The following TMEM132D variants were observed in gnomAD, a reference collection of about 807,000 sequenced individuals.
TMEM132D encodes the protein transmembrane protein 132D.
TMEM132D carries 21 observed loss-of-function variants against 62.3 expected under a neutral mutation model. The ratio of observed to expected loss-of-function variants is 0.34; its 90% CI spans 0.24 to 0.49. TMEM132D has a LOEUF of 0.49. Ranked by LOEUF, TMEM132D falls within the 20% of genes least tolerant of loss-of-function variation. The probability of loss-of-function intolerance (pLI) is 0.99; values close to 1 mark genes in which losing one functional copy is unlikely to be tolerated. For synonymous variants in TMEM132D, 621 were observed against 575.6 expected, an observed-to-expected ratio of 1.08 and a Z score of -1.13; for missense variants, 1,346 against 1,402.8, an observed-to-expected ratio of 0.96 and a Z score of 0.65.
At chr12:129,562,438 C>T (rs949917029) in intron 2 of TMEM132D, among the ~76,000 whole-genome samples, 1 of 152,114 alleles carries the variant, frequency 6.6e-6, no homozygotes, top group African/African-American at 2.4e-5. Flanking sequence ...GGTAGATAAC[C>T]TGTCAACAGA....
chr12:129,178,018 T>A (rs1053635646), intron 5 of TMEM132D, among the ~76,000 whole-genome samples: 2 of 152,092 alleles, frequency 1.3e-5, no homozygotes, highest in Non-Finnish European at 2.9e-5. Flanking sequence ...CGAGGACATG[T>A]GGTGTTTGGT....
At chr12:129,586,753 A>G (rs1343190582) in intron 2 of TMEM132D, among the ~76,000 whole-genome samples, 3 of 152,222 alleles carry the variant, frequency 2.0e-5, no homozygotes, top group African/African-American at 7.2e-5. Context: ...ATACACACCA[A>G]TGATCTTCAA....
In TMEM132D at chr12:129,507,722, G is replaced by C. The variant is rs551401256; in HGVS notation, c.1115+23337C>G. Among the ~76,000 whole-genome samples, 7 of 152,192 alleles carry C rather than the reference G, an allele frequency of 4.6e-5. No homozygotes were observed. The South Asian group carries it at 1.5e-3, about 32-fold the overall frequency. Reference sequence around the variant, plus strand: ...GGACTCAAGGGGAAAGGGTAGGAAGGGGGTGAAGGATAAAAGACTACAAAT... The same window carrying C: ...GGACTCAAGGGGAAAGGGTAGGAAGCGGGTGAAGGATAAAAGACTACAAAT... On this transcript the variant is annotated intron_variant, in intron 3 of 8. Coordinates refer to ENST00000422113, the MANE Select transcript of TMEM132D (RefSeq NM_133448.3).
chr12:129,792,859 A>G (rs1037858196), intron 1 of TMEM132D, among the ~76,000 whole-genome samples: 2 of 152,104 alleles, frequency 1.3e-5, no homozygotes, highest in South Asian at 2.1e-4. Context: ...TTGAATTTCC[A>G]TTTAGGTGGT....
intron 3 of TMEM132D, among the ~76,000 whole-genome samples, chr12:129,339,166 G>A (rs1869385799): frequency 6.6e-6 from 1 of 152,130 alleles, no homozygotes; most frequent in Non-Finnish European, 1.5e-5. Context: ...AGCTAGTTGG[G>A]AGGCTGAGGC....
At chr12:129,699,779 G>A (rs1333485308) in intron 2 of TMEM132D, 31 bp downstream of exon 2, 2 of 1,605,238 alleles carry the variant, frequency 1.2e-6, no homozygotes, top group Non-Finnish European at 8.5e-7. Context: ...ATCGACGGGC[G>A]GGTACAGACA....
At chr12:129,315,213 T>C (rs1227622146) in intron 4 of TMEM132D, among the ~76,000 whole-genome samples, 1 of 152,176 alleles carries the variant, frequency 6.6e-6, no homozygotes, top group African/African-American at 2.4e-5. Flanking sequence ...GGCATCCTTG[T>C]CTTGTTCCAC....
chr12:129,676,530 A>G (rs1349095265), intron 2 of TMEM132D, among the ~76,000 whole-genome samples: 1 of 152,180 alleles, frequency 6.6e-6, no homozygotes, highest in East Asian at 1.9e-4. Context: ...GCTTTTGCTT[A>G]CAGAGGAGGG....
At chr12:129,394,418 C>T (rs1422931619) in intron 3 of TMEM132D, among the ~76,000 whole-genome samples, 1 of 152,198 alleles carries the variant, frequency 6.6e-6, no homozygotes, top group Non-Finnish European at 1.5e-5. Context: ...TTATTGAGAT[C>T]AGTTGGCTCG....
intron 6 of TMEM132D, among the ~76,000 whole-genome samples, chr12:129,083,167 A>C (rs11060126): frequency 0.12 from 17,867 of 152,266 alleles, 1,272 homozygotes; most frequent in East Asian, 0.24. Context: ...AACCCAGCAC[A>C]CAAAGCAGGT....
intron 4 of TMEM132D, among the ~76,000 whole-genome samples, chr12:129,275,510 A>C (rs374372216): frequency 2.0e-5 from 3 of 152,172 alleles, no homozygotes; most frequent in East Asian, 3.8e-4. Flanking sequence ...CAAGAAACTA[A>C]AAAACACAAA....
chr12:129,288,343 A>G (rs1881361158), intron 4 of TMEM132D, among the ~76,000 whole-genome samples: 1 of 152,242 alleles, frequency 6.6e-6, no homozygotes, highest in African/African-American at 2.4e-5. Flanking sequence ...TATATCTGAT[A>G]CGGGGTTAAT....
At chr12:129,387,188 A>G (rs1197532111) in intron 3 of TMEM132D, among the ~76,000 whole-genome samples, 2 of 148,666 alleles carry the variant, frequency 1.3e-5, no homozygotes, top group African/African-American at 2.6e-5. Flanking sequence ...CACTAACTCC[A>G]ACACCAACAC....
intron 3 of TMEM132D, among the ~76,000 whole-genome samples, chr12:129,356,408 C>T (rs1175362348): frequency 3.5e-5 from 5 of 143,218 alleles, no homozygotes; most frequent in Non-Finnish European, 4.6e-5. Context: ...CCGCCCGCCT[C>T]GGCCTCCCAA....
At chr12:129,512,394 T>G (rs1342290476) in intron 3 of TMEM132D, among the ~76,000 whole-genome samples, 3 of 152,242 alleles carry the variant, frequency 2.0e-5, no homozygotes, top group African/African-American at 4.8e-5. Context: ...ATGTCAGAAC[T>G]GTTGTATTCC....
At chr12:129,837,520 A>G (rs1439807023) in intron 1 of TMEM132D, among the ~76,000 whole-genome samples, 1 of 152,232 alleles carries the variant, frequency 6.6e-6, no homozygotes, top group Admixed American at 6.5e-5. Context: ...CAGCACCTTT[A>G]TCTTCCTCAA....
chr12:129,389,152 A>G (rs1387648183), intron 3 of TMEM132D, among the ~76,000 whole-genome samples: 1 of 152,052 alleles, frequency 6.6e-6, no homozygotes, highest in Non-Finnish European at 1.5e-5. Flanking sequence ...CCTAATATAA[A>G]CACTAACACC....
intron 1 of TMEM132D, among the ~76,000 whole-genome samples, chr12:129,765,998 G>A (rs1565978184): frequency 6.6e-6 from 1 of 152,126 alleles, no homozygotes; most frequent in Non-Finnish European, 1.5e-5. Context: ...TGGATGGGTG[G>A]CGCCCTTGGA....
In TMEM132D at chr12:129,879,828, A is replaced by T. The variant is rs1874539044; in HGVS notation, c.79+23433T>A. On this transcript the variant is annotated intron_variant, in intron 1 of 8. Transcript: ENST00000422113. The stretch of plus-strand genomic sequence containing the variant: ...ATTAATAATGGAAATACTGAAAAAG[A>T]AGACAACCAAGAAAACAAACGGAAC... 2.0e-5 allele frequency among the ~76,000 whole-genome samples: 3 copies of T among 152,184 alleles called. No homozygotes were observed. The South Asian group carries it at 6.2e-4, about 31-fold the overall frequency.
Sources: gnomAD v4.1 joint callset for allele counts (sites outside exome capture counted in the v4.1 genomes callset) on GRCh38, gnomAD v4.1.1 for gene constraint, MANE v1.5 for transcripts, NCBI Gene and HGNC (gene_info 2026-07-23, HGNC 2026-07-21) for gene names.